Variants in RHCE observed in about 807,000 individuals in gnomAD.
The protein encoded by RHCE is blood group Rh(CE) polypeptide.
RHCE carries 22 observed loss-of-function variants against 43.8 expected under a neutral mutation model. That is an observed-to-expected ratio of 0.50 (90% CI 0.36 to 0.72). RHCE has a LOEUF of 0.72. Ranked by LOEUF, RHCE falls within the 30% of genes least tolerant of loss-of-function variation. The probability of loss-of-function intolerance (pLI) is 0.00; values close to 1 mark genes in which losing one functional copy is unlikely to be tolerated. For missense variants in RHCE, 385 were observed against 525.4 expected, an observed-to-expected ratio of 0.73 and a Z score of 2.61; for synonymous variants, 156 against 210.7, an observed-to-expected ratio of 0.74 and a Z score of 2.25.
chr1:25,374,100 C>T (rs899830565), intron 8 of RHCE, among the ~76,000 whole-genome samples: 3 of 150,834 alleles, frequency 2.0e-5, no homozygotes, highest in Non-Finnish European at 4.4e-5. Flanking sequence ...GGATTACAGG[C>T]GTGAGCCACT....
At chr1:25,382,101 TTC>T (rs1321159457) in intron 7 of RHCE, among the ~76,000 whole-genome samples, 4 of 150,984 alleles carry the variant, frequency 2.6e-5, no homozygotes, top group African/African-American at 7.4e-5. Flanking sequence ...CAGCTCAGAT[TTC>T]TCTTTCTCTT....
chr1:25,386,304 G>T (rs1401945966), intron 6 of RHCE, among the ~76,000 whole-genome samples: 6 of 152,160 alleles, frequency 3.9e-5, no homozygotes, highest in Non-Finnish European at 7.4e-5. Context: ...GATGTCCCCT[G>T]GGGGGTGACC....
At chr1:25,428,569 G>A (rs2042822535) in intron 2 of RHCE, among the ~76,000 whole-genome samples, 1 of 152,214 alleles carries the variant, frequency 6.6e-6, no homozygotes, top group Non-Finnish European at 1.5e-5. Context: ...TGAGAAACAA[G>A]TATACTGCTA....
At chr1:25,406,857 C>T (rs1369298120) in intron 2 of RHCE, among the ~76,000 whole-genome samples, 1 of 117,328 alleles carries the variant, frequency 8.5e-6, no homozygotes, top group African/African-American at 2.6e-5. Flanking sequence ...CATCTCCTGA[C>T]CTCATGATCT....
Position 25,362,271 on chromosome 1 carries a change from T to A in RHCE, c.*256A>T. The A allele has an allele frequency of 1.3e-6, 1 of 758,546 alleles. No homozygotes were observed. Among genetic ancestry groups the A allele is most frequent in the Non-Finnish European group, 2.1e-6 (1 of 480,548 alleles). 47.0% of individuals were successfully genotyped at this position (758,546 alleles called of 1,614,324 possible). A position where few individuals can be genotyped will look rare whatever the true frequency, so the allele number is the denominator to read the frequency against. On this transcript the variant is annotated 3_prime_UTR_variant, in exon 10 of 10. Coordinates refer to ENST00000294413, the MANE Select transcript of RHCE (RefSeq NM_020485.8). ...CAATAAAATTAACCCAAAACTTTAA[T>A]AATGTGTCTGTAACCAAGAAAATAT...
At chr1:25,383,604 A>C (rs1285273892) in intron 7 of RHCE, among the ~76,000 whole-genome samples, 1 of 152,142 alleles carries the variant, frequency 6.6e-6, no homozygotes, top group Non-Finnish European at 1.5e-5. Context: ...CCACTGGTGA[A>C]GCCCACGCCT....
intron 8 of RHCE, among the ~76,000 whole-genome samples, chr1:25,373,072 A>T (rs567671413): frequency 6.6e-6 from 1 of 151,832 alleles, no homozygotes; most frequent in African/African-American, 2.4e-5. Flanking sequence ...AAGTGCTGGG[A>T]TTACAAGTAT....
intron 3 of RHCE, among the ~76,000 whole-genome samples, chr1:25,394,906 C>A (rs1410475447): frequency 6.6e-6 from 1 of 151,486 alleles, no homozygotes; most frequent in African/African-American, 2.4e-5. Context: ...CTCTGGTTCC[C>A]CCGAGCCCTC....
chr1:25,427,092 G>A (rs919257269), intron 2 of RHCE, among the ~76,000 whole-genome samples: 5 of 152,072 alleles, frequency 3.3e-5, no homozygotes, highest in South Asian at 2.1e-4. Flanking sequence ...AGGGGATACA[G>A]GTACATGTGT....
rs1557633633 is a variant in RHCE, at chr1:25,405,693, A to C, written c.336-2947T>G. On this transcript the variant is annotated intron_variant, in intron 2 of 9. Coordinates refer to ENST00000294413, the MANE Select transcript of RHCE (RefSeq NM_020485.8). Reference sequence around the variant, plus strand: ...ATAAAAATTTAAAACATCCCACTTCAGGGTTCCATTTATTTTCATTTTTGT... The same window carrying C: ...ATAAAAATTTAAAACATCCCACTTCCGGGTTCCATTTATTTTCATTTTTGT... Among the ~76,000 whole-genome samples, 2 of 122,508 alleles carry C rather than the reference A, an allele frequency of 1.6e-5. 1 individual carries two copies. The highest frequency in any genetic ancestry group is 3.7e-5 in the Non-Finnish European group (2 of 53,518). The allele number at this position is 122,508 out of a possible 152,430, so 80.4% of individuals were successfully genotyped here.
intron 8 of RHCE, among the ~76,000 whole-genome samples, chr1:25,372,670 T>C (rs1645648019): frequency 6.6e-6 from 1 of 151,814 alleles, no homozygotes; most frequent in South Asian, 2.1e-4. Flanking sequence ...CTATGCTTGA[T>C]AGGATTGTTC....
In RHCE at chr1:25,402,797, A is replaced by G. The variant is rs113572044; in HGVS notation, c.336-51T>C. On this transcript the variant is annotated intron_variant, in intron 2 of 9. Transcript: ENST00000294413. ...TGACTGAGAAGGAAGGATGCCTCTC[A>G]CTCATTCATTCATTCATTCATTCAT... 1.6e-5 allele frequency: 26 copies of G among 1,604,166 alleles called. No homozygotes were observed. In the African/African-American group the frequency reaches 1.9e-4, roughly 12 times the overall value.
intron 2 of RHCE, 140 bp from the exon 3 acceptor site, chr1:25,402,886 G>A: frequency 8.1e-7 from 1 of 1,233,702 alleles, no homozygotes; most frequent in Non-Finnish European, 1.2e-6. Flanking sequence ...CTACCCACCT[G>A]GGCGCTGATG....
Position 25,408,575 on chromosome 1 carries a change from C to G in RHCE, c.335+108G>C, listed in dbSNP as rs957601255. ...TAAGGATGTCCTAAATATTGCACAGCACTGGTGCTAGACAGAGAGGGGGCA... is the reference window on the plus strand; with the variant it reads ...TAAGGATGTCCTAAATATTGCACAGGACTGGTGCTAGACAGAGAGGGGGCA... On this transcript the variant is annotated intron_variant, in intron 2 of 9. Coordinates refer to ENST00000294413, the MANE Select transcript of RHCE (RefSeq NM_020485.8). 37 of 819,950 alleles carry G rather than the reference C, an allele frequency of 4.5e-5. 6 individuals are homozygous for G. The highest frequency in any genetic ancestry group is 5.8e-5 in the Non-Finnish European group (32 of 554,922). The allele number at this position is 819,950 out of a possible 1,614,324, so 50.8% of individuals were successfully genotyped here.
At chr1:25,381,457 C>CT (rs757669054) in intron 7 of RHCE, among the ~76,000 whole-genome samples, 10,082 of 134,184 alleles carry the variant, frequency 0.075, 925 homozygotes, top group African/African-American at 0.22. Flanking sequence ...TTTTCTTTTT[C>CT]TTTTTTTTTT....
chr1:25,418,286 C>G (rs891129299), intron 1 of RHCE, among the ~76,000 whole-genome samples: 2 of 152,146 alleles, frequency 1.3e-5, no homozygotes, highest in African/African-American at 4.8e-5. Context: ...CTTGGCCTCC[C>G]AAAGTGTTTG....
intron 3 of RHCE, among the ~76,000 whole-genome samples, chr1:25,401,867 CTTTTCTT>C (rs1557629574): frequency 6.6e-6 from 1 of 151,780 alleles, no homozygotes; most frequent in Admixed American, 6.6e-5. Context: ...TCAATCTTTT[CTTTTCTT>C]TTTTCTTTTT....
intron 7 of RHCE, among the ~76,000 whole-genome samples, chr1:25,383,055 G>A (rs1193195022): frequency 6.6e-6 from 1 of 152,212 alleles, no homozygotes; most frequent in Non-Finnish European, 1.5e-5. Flanking sequence ...ATTCAAAAGA[G>A]TGGTTAACAA....
Position 25,408,875 on chromosome 1 carries a change from C to G in RHCE, c.149-6G>C. On this transcript the variant is annotated splice_region_variant and splice_polypyrimidine_tract_variant and intron_variant, in intron 1 of 9. Transcript: ENST00000294413. The stretch of plus-strand genomic sequence containing the variant: ...CACGGTCAGATCTTGGCCGACTGCT[C>G]GGTGGGGAGATGGTGAGAAGGAGGA... The G allele has an allele frequency of 1.6e-6, 2 of 1,282,386 alleles. 1 individual carries two copies. 79.4% of individuals were successfully genotyped at this position (1,282,386 alleles called of 1,614,324 possible). A position where few individuals can be genotyped will look rare whatever the true frequency, so the allele number is the denominator to read the frequency against.
Sources: allele counts gnomAD v4.1 joint callset (sites outside exome capture counted in the v4.1 genomes callset), GRCh38; gene constraint gnomAD v4.1.1; transcripts MANE v1.5; gene names NCBI Gene and HGNC (gene_info 2026-07-23, HGNC 2026-07-21).